The following HERC2 variants were observed in gnomAD, a reference collection of about 807,000 sequenced individuals.
HERC2 encodes the protein HECT and RLD domain containing E3 ubiquitin protein ligase 2.
A neutral mutation model predicts 537.7 loss-of-function variants in HERC2; 102 were observed. That is an observed-to-expected ratio of 0.19 (90% CI 0.16 to 0.22). The LOEUF (loss-of-function observed/expected upper bound fraction) is 0.22. Among genes scored for constraint, HERC2 ranks in the 10% least tolerant of loss-of-function variants. HERC2 has a pLI of 1.00. For synonymous variants in HERC2, 2,224 were observed against 2,466.2 expected, an observed-to-expected ratio of 0.90 and a Z score of 2.91; for missense variants, 4,236 against 6,198.2, an observed-to-expected ratio of 0.68 and a Z score of 10.63.
chr15:28,196,765 CAAG>C (rs1183737113), intron 50 of HERC2, among the ~76,000 whole-genome samples, 196 bp from the exon 51 acceptor site: 1 of 152,254 alleles, frequency 6.6e-6, no homozygotes, highest in African/African-American at 2.4e-5. Context: ...AAAATAATCA[CAAG>C]AAGGGAGCAT....
chr15:28,270,096 G>A (rs1204134081), intron 10 of HERC2, among the ~76,000 whole-genome samples: 1 of 152,084 alleles, frequency 6.6e-6, no homozygotes, highest in Non-Finnish European at 1.5e-5. Flanking sequence ...CAAGTAGCTG[G>A]GATTACAGGC....
chr15:28,198,529 A>G (rs1444558200), intron 49 of HERC2, 26 bp from the exon 50 acceptor site: 6 of 1,611,586 alleles, frequency 3.7e-6, no homozygotes, highest in Non-Finnish European at 4.2e-6. Context: ...ACAAATCATT[A>G]TAATCAATAT....
chr15:28,127,050 A>G (rs1441567952), intron 83 of HERC2, among the ~76,000 whole-genome samples: 1 of 152,196 alleles, frequency 6.6e-6, no homozygotes, highest in African/African-American at 2.4e-5. Flanking sequence ...AACAAGGCTC[A>G]TGTTCTCTGG....
At position 28,269,335 on chromosome 15, in the gene HERC2, G is replaced by A. The variant is rs745744937; in HGVS notation, c.1359C>T (p.Val453=). 1.9e-5 allele frequency: 31 copies of A among 1,614,080 alleles called. No homozygotes were observed. Among genetic ancestry groups the A allele is most frequent in the Non-Finnish European group, 2.3e-5 (27 of 1,180,034 alleles). Residue 453 remains valine (V), a synonymous_variant, in exon 11 of 93, where the codon GTC becomes GTT. Transcript: ENST00000261609. Reference sequence around the variant, plus strand: ...GCTTCTCTGCACAGGCAATCTGTGTGACTCCCAGGTTGGCCAGGCCTTCGC... The same window carrying A: ...GCTTCTCTGCACAGGCAATCTGTGTAACTCCCAGGTTGGCCAGGCCTTCGC... The part of the protein sequence containing the change: ...IQCEGLANLG[V]TQIACAEKRF...
chr15:28,187,437 T>C (rs1896421177), intron 55 of HERC2, among the ~76,000 whole-genome samples: 1 of 151,996 alleles, frequency 6.6e-6, no homozygotes, highest in South Asian at 2.1e-4. Context: ...GTTCAAGCGA[T>C]TCTCCAACCT....
intron 50 of HERC2, among the ~76,000 whole-genome samples, chr15:28,196,946 T>C (rs1432152259): frequency 6.6e-6 from 1 of 152,240 alleles, no homozygotes; most frequent in Non-Finnish European, 1.5e-5. Flanking sequence ...TCTCAGGGAA[T>C]AAAAACCACA....
Position 28,233,186 on chromosome 15 carries a change from C to G in HERC2, c.4635G>C (p.Arg1545Ser). 1 of 1,611,804 alleles carries G rather than the reference C, an allele frequency of 6.2e-7. No homozygotes were observed. Among genetic ancestry groups the G allele is most frequent in the South Asian group, 1.1e-5 (1 of 90,984 alleles). The change falls in exon 30 of 93, where the codon AGG becomes AGC. Residue 1545 changes from arginine (R) to serine (S), a missense_variant. Around this residue, in one of 27 missense-constraint regions of HERC2, gnomAD observed 343 missense variants for 417.2 expected, o/e 0.82. Coordinates refer to ENST00000261609, the MANE Select transcript of HERC2 (RefSeq NM_004667.6). ...KLLSSLPRWR[R>S]IAQKIIRERR... The stretch of plus-strand genomic sequence containing the variant: ...GTTCTCGAATTATCTTTTGAGCTAT[C>G]CTCCTCCAACGGGGCAAAGAACTTA...
At position 28,122,904 on chromosome 15, in the gene HERC2, G is replaced by C. The variant is rs901048230; in HGVS notation, c.13188+1133C>G. Reference sequence around the variant, plus strand: ...GCTCACACAGGGCCAGGTGGGACGTGCCCTGCCTCTCACTTTTTTTCTCCC... The same window carrying C: ...GCTCACACAGGGCCAGGTGGGACGTCCCCTGCCTCTCACTTTTTTTCTCCC... On this transcript the variant is annotated intron_variant, in intron 85 of 92. Transcript: ENST00000261609. This position sits in a 1 kb window ranked among gnomAD's most constrained non-coding sequence, Gnocchi z 4.1. Among the ~76,000 whole-genome samples the C allele has an allele frequency of 6.6e-6, 1 of 152,068 alleles. No homozygotes were observed. The highest frequency in any genetic ancestry group is 6.5e-5 in the Admixed American group (1 of 15,274).
chr15:28,276,535 G>T (rs1396404895), intron 5 of HERC2, among the ~76,000 whole-genome samples: 1 of 152,108 alleles, frequency 6.6e-6, no homozygotes, highest in Non-Finnish European at 1.5e-5. Flanking sequence ...AGGAGTTTGA[G>T]ACCAGCTTGG....
Position 28,132,751 on chromosome 15 carries a change from C to T in HERC2, c.12310G>A (p.Ala4104Thr), listed in dbSNP as rs1890234183. Residue 4104 changes from alanine to threonine, a missense_variant, in exon 80 of 93, where the codon GCC (alanine) becomes ACC (threonine). Transcript: ENST00000261609. ...AGGTCCCCGGCTGCTGTGACACAGG[C>T]GCTGTGGGCTCCGCCAGCAGCAACA... ...VDVAAGGAHS[A>T]CVTAAGDLYT... The T allele has an allele frequency of 3.1e-6, 5 of 1,608,446 alleles. No individual in the cohort carries two copies. The highest frequency in any genetic ancestry group is 3.4e-5 in the Admixed American group (2 of 59,234).
rs1902722124 is a variant in HERC2, at chr15:28,238,715, T to A, written c.3635A>T (p.Lys1212Ile). The change falls in exon 24 of 93, where the codon AAA becomes ATA. Residue 1212 changes from lysine (K) to isoleucine (I), a missense_variant. Lys to Ile is a moderately radical substitution (Grantham distance 102). Transcript: ENST00000261609. The stretch of plus-strand genomic sequence containing the variant: ...TTTATTATGGTTCTCCAAATCAGCT[T>A]TGCGTATAAGTGTCACTTCCTCATT... The part of the protein sequence containing the change: ...RNNEEVTLIR[K>I]ADLENHNKDG... 4 of 1,611,504 alleles carry A rather than the reference T, an allele frequency of 2.5e-6. No homozygotes were observed. In the South Asian group the frequency reaches 3.3e-5, roughly 13 times the overall value.
At chr15:28,270,900 ATGG>A in intron 9 of HERC2, 32 bp from the exon 10 acceptor site, 1 of 1,593,382 alleles carries the variant, frequency 6.3e-7, no homozygotes, top group African/African-American at 1.3e-5. Flanking sequence ...AAATTCAGAA[ATGG>A]TGGGAAAAAT....
chr15:28,224,509 A>G (rs1900901351), intron 35 of HERC2, among the ~76,000 whole-genome samples: 1 of 152,176 alleles, frequency 6.6e-6, no homozygotes. Flanking sequence ...GCCTGGCCTG[A>G]TACATATTTT....
chr15:28,229,698 T>C lies in HERC2; in HGVS notation c.4959A>G (p.Lys1653=). 1 of 1,611,978 alleles carries C rather than the reference T, an allele frequency of 6.2e-7. No homozygotes were observed. Among genetic ancestry groups the C allele is most frequent in the South Asian group, 1.1e-5 (1 of 90,984 alleles). The stretch of plus-strand genomic sequence containing the variant: ...CCTGTTTTAGTAGGCACTTTCTCAT[T>C]TTTTCCACATCCACTGGCTCTTCTT... ...ALKEEPVDVE[K]MRKCLLKQLE... The change falls in exon 32 of 93, where the codon AAA becomes AAG. Residue 1653 remains lysine, a synonymous_variant. Transcript: ENST00000261609.
chr15:28,213,794 T>C lies in HERC2; in HGVS notation c.6734A>G (p.Gln2245Arg). The change falls in exon 42 of 93, where the codon CAG (glutamine) becomes CGG (arginine). Residue 2245 changes from glutamine to arginine, a missense_variant. This residue lies in a region of HERC2 where 67 missense variants were observed against 140.1 expected (regional missense o/e 0.48). Coordinates refer to ENST00000261609, the MANE Select transcript of HERC2 (RefSeq NM_004667.6). ...RITPKGKITVQFSDMRTCRVC... is the reference protein window; with the variant it reads ...RITPKGKITVRFSDMRTCRVC... Reference sequence around the variant, plus strand: ...GCGACACGTCCGCATGTCAGAGAACTGCACGGTGATTTTGCCCTTTGGGGT... The same window carrying C: ...GCGACACGTCCGCATGTCAGAGAACCGCACGGTGATTTTGCCCTTTGGGGT... The C allele has an allele frequency of 2.5e-6, 4 of 1,614,028 alleles. No homozygotes were observed. The highest frequency in any genetic ancestry group is 3.4e-6 in the Non-Finnish European group (4 of 1,179,876).
chr15:28,183,247 T>C (rs147935013), intron 56 of HERC2, among the ~76,000 whole-genome samples: 18 of 152,290 alleles, frequency 1.2e-4, no homozygotes, highest in African/African-American at 4.3e-4. Flanking sequence ...TCATGCTCTG[T>C]CACTCAGGCT....
chr15:28,147,828 G>A (rs1018350639), intron 70 of HERC2, among the ~76,000 whole-genome samples: 1 of 152,080 alleles, frequency 6.6e-6, no homozygotes. Context: ...TTGAGCCCAG[G>A]AGTTTGAGAC....
At chr15:28,181,972 G>C (rs1029932976) in intron 57 of HERC2, among the ~76,000 whole-genome samples, 2 of 152,164 alleles carry the variant, frequency 1.3e-5, no homozygotes, top group Non-Finnish European at 1.5e-5. Flanking sequence ...CTCGCAAAGC[G>C]TTCTCTCTCT....
intron 68 of HERC2, among the ~76,000 whole-genome samples, chr15:28,163,598 G>T (rs1340944360): frequency 2.0e-5 from 3 of 152,176 alleles, no homozygotes; most frequent in Non-Finnish European, 4.4e-5. Flanking sequence ...ACTACAGGGG[G>T]AGTTTTGGAA....
Sources: allele counts gnomAD v4.1 joint callset (sites outside exome capture counted in the v4.1 genomes callset), GRCh38; gene constraint gnomAD v4.1.1; regional missense constraint gnomAD v4.1.1; non-coding constraint Gnocchi (gnomAD v3.1); transcripts MANE v1.5; gene names NCBI Gene and HGNC (gene_info 2026-07-23, HGNC 2026-07-21).